BCKDHB: variants seen among roughly 807,000 people sequenced by gnomAD.
The protein encoded by BCKDHB is branched chain keto acid dehydrogenase E1 subunit beta.
BCKDHB carries 41 observed loss-of-function variants against 48.5 expected under a neutral mutation model. The observed-to-expected ratio is 0.85, with a 90% confidence interval of 0.66 to 1.10. The LOEUF is 1.10. Among genes scored for constraint, BCKDHB ranks in the 50% least tolerant of loss-of-function variants. The pLI, the probability that BCKDHB is intolerant of heterozygous loss-of-function variation, is 0.00. For missense variants in BCKDHB, 496 were observed against 494.2 expected (o/e 1.00, Z -0.03); for synonymous variants, 201 against 174.8 (o/e 1.15, Z -1.18).
intron 9 of BCKDHB, among the ~76,000 whole-genome samples, chr6:80,297,966 CAG>C (rs1360697203): frequency 2.6e-5 from 4 of 151,718 alleles, no homozygotes; most frequent in African/African-American, 9.7e-5. Flanking sequence ...ATGAGAAAAA[CAG>C]AGGATTTTTT....
the BCKDHB span, among the ~76,000 whole-genome samples, chr6:80,380,443 GA>G: frequency 1.5e-3 from 233 of 151,996 alleles, 2 homozygotes; most frequent in African/African-American, 4.8e-3. Context: ...ACTCAAGATG[GA>G]TTGAAGACCT....
chr6:80,464,319 G>A, the BCKDHB span, among the ~76,000 whole-genome samples: 37 of 151,986 alleles, frequency 2.4e-4, no homozygotes, highest in Non-Finnish European at 4.7e-4. Flanking sequence ...AGTAGAGATG[G>A]GGTTTCACCA....
chr6:80,445,211 G>A, the BCKDHB span, among the ~76,000 whole-genome samples: 2 of 152,132 alleles, frequency 1.3e-5, no homozygotes, highest in African/African-American at 4.8e-5. Flanking sequence ...CATTGACTTT[G>A]CAGTTAGTAG....
At chr6:80,407,994 C>T in the BCKDHB span, among the ~76,000 whole-genome samples, 5 of 152,102 alleles carry the variant, frequency 3.3e-5, no homozygotes, top group Admixed American at 6.5e-5. Flanking sequence ...GTGGGTTTCT[C>T]GTAAGTAGCT....
intron 3 of BCKDHB, among the ~76,000 whole-genome samples, chr6:80,138,423 C>G (rs978327325): frequency 1.9e-4 from 29 of 151,988 alleles, no homozygotes; most frequent in African/African-American, 6.8e-4. Flanking sequence ...AGGTATATCT[C>G]CCAATGCTAT....
At chr6:80,373,594 G>T in the BCKDHB span, among the ~76,000 whole-genome samples, 1 of 152,050 alleles carries the variant, frequency 6.6e-6, no homozygotes, top group Non-Finnish European at 1.5e-5. Context: ...TTAACGCTAT[G>T]TCAGTGGATA....
chr6:80,154,630 T>G (rs577687922), intron 3 of BCKDHB, among the ~76,000 whole-genome samples: 1 of 152,274 alleles, frequency 6.6e-6, no homozygotes, highest in Admixed American at 6.5e-5. Context: ...GACCTAAATT[T>G]TAGGTATCAA....
intron 9 of BCKDHB, among the ~76,000 whole-genome samples, chr6:80,288,280 A>G (rs907362222): frequency 2.0e-5 from 3 of 152,162 alleles, no homozygotes; most frequent in African/African-American, 4.8e-5. Flanking sequence ...TAAAGGGGCA[A>G]ATTACACTGT....
At position 80,164,370 on chromosome 6, in the gene BCKDHB, T is replaced by C. The variant is rs145222455; in HGVS notation, c.344-3308T>C. Reference sequence around the variant, plus strand: ...CCCAGAATATTTATTCTCTCAGATATATGCATGGTACACATCCTCATTTAT... The same window carrying C: ...CCCAGAATATTTATTCTCTCAGATACATGCATGGTACACATCCTCATTTAT... On this transcript the variant is annotated intron_variant, in intron 3 of 9. Coordinates refer to ENST00000320393, the MANE Select transcript of BCKDHB (RefSeq NM_183050.4). Among the ~76,000 whole-genome samples the C allele has an allele frequency of 1.7e-3, 264 of 152,322 alleles. 1 individual carries two copies. Among genetic ancestry groups the C allele is most frequent in the African/African-American group, 6.0e-3 (250 of 41,572 alleles).
intron 8 of BCKDHB, among the ~76,000 whole-genome samples, chr6:80,266,368 G>A (rs1777514080): frequency 1.3e-5 from 2 of 152,094 alleles, no homozygotes; most frequent in Admixed American, 1.3e-4. Flanking sequence ...CCTACAGGTG[G>A]TTATGCTTTG....
At chr6:80,459,414 A>T in the BCKDHB span, among the ~76,000 whole-genome samples, 1 of 152,152 alleles carries the variant, frequency 6.6e-6, no homozygotes, top group Non-Finnish European at 1.5e-5. Context: ...CACTCATATG[A>T]AGTATCTAAA....
chr6:80,321,526 A>G (rs1186301446), intron 9 of BCKDHB, among the ~76,000 whole-genome samples: 1 of 152,080 alleles, frequency 6.6e-6, no homozygotes, highest in African/African-American at 2.4e-5. Context: ...TGAGGCTGAT[A>G]AGGGCCCTAT....
intron 8 of BCKDHB, among the ~76,000 whole-genome samples, chr6:80,233,397 G>C (rs1776014895): frequency 6.6e-6 from 1 of 151,992 alleles, no homozygotes; most frequent in African/African-American, 2.4e-5. Flanking sequence ...AAACCTTCTT[G>C]AGATCATTCC....
intron 8 of BCKDHB, among the ~76,000 whole-genome samples, chr6:80,204,416 C>G (rs1290368689): frequency 6.6e-6 from 1 of 152,072 alleles, no homozygotes; most frequent in African/African-American, 2.4e-5. Context: ...ATGAAAATAA[C>G]GCTTTTTGCA....
the BCKDHB span, among the ~76,000 whole-genome samples, chr6:80,364,073 A>G: frequency 6.6e-6 from 1 of 152,248 alleles, no homozygotes; most frequent in Non-Finnish European, 1.5e-5. Flanking sequence ...TTCTTTATAA[A>G]GTTTGAAATA....
chr6:80,252,193 A>G (rs924410714), intron 8 of BCKDHB, among the ~76,000 whole-genome samples: 2 of 152,214 alleles, frequency 1.3e-5, no homozygotes, highest in East Asian at 3.9e-4. Context: ...GGTTGAATCC[A>G]AGCCACCTGA....
chr6:80,283,818 A>G (rs9448916), intron 9 of BCKDHB, among the ~76,000 whole-genome samples: 1 of 152,262 alleles, frequency 6.6e-6, no homozygotes, highest in African/African-American at 2.4e-5. Flanking sequence ...CTTATCTTCA[A>G]AATTTTCTAA....
intron 8 of BCKDHB, among the ~76,000 whole-genome samples, chr6:80,218,258 T>C (rs1238504306): frequency 6.6e-6 from 1 of 152,052 alleles, no homozygotes; most frequent in African/African-American, 2.4e-5. Flanking sequence ...GGGTCACATC[T>C]TTATCTTGGC....
At chr6:80,370,391 G>A in the BCKDHB span, among the ~76,000 whole-genome samples, 3 of 151,934 alleles carry the variant, frequency 2.0e-5, no homozygotes, top group Non-Finnish European at 4.4e-5. Flanking sequence ...GCTGTTTTTC[G>A]CTTATTTTAT....
Sources: allele counts gnomAD v4.1 joint callset (sites outside exome capture counted in the v4.1 genomes callset), GRCh38; gene constraint gnomAD v4.1.1; transcripts MANE v1.5; gene names NCBI Gene and HGNC (gene_info 2026-07-23, HGNC 2026-07-21).